ETHE1: variants seen among roughly 807,000 people sequenced by gnomAD.
ETHE1 encodes the protein ETHE1 persulfide dioxygenase, also known as persulfide dioxygenase ETHE1, mitochondrial.
ETHE1 carries 16 observed loss-of-function variants against 25.7 expected under a neutral mutation model. The observed-to-expected ratio is 0.62, with a 90% CI of 0.42 to 0.95. The LOEUF is 0.95. ETHE1 is among the 40% of genes least tolerant of loss of function. The pLI is 0.00. For missense variants in ETHE1, 300 were observed against 333.6 expected, an observed-to-expected ratio of 0.90 and a Z score of 0.79; for synonymous variants, 139 against 135.9, an observed-to-expected ratio of 1.02 and a Z score of -0.16.
chr19:43,507,340 G>A (rs575073690), intron 6 of ETHE1, among the ~76,000 whole-genome samples: 6 of 101,420 alleles, frequency 5.9e-5, no homozygotes, highest in Non-Finnish European at 8.3e-5. Flanking sequence ...TCAGACCCAG[G>A]AGCCCAGGTC....
chr19:43,511,641 C>A, intron 3 of ETHE1, 75 bp from the exon 4 acceptor site: 1 of 1,560,592 alleles, frequency 6.4e-7, no homozygotes, highest in Non-Finnish European at 8.7e-7. Context: ...AAGCCCCACC[C>A]TACCCCAGGG....
intron 3 of ETHE1, among the ~76,000 whole-genome samples, chr19:43,520,496 G>A (rs1471726587): frequency 2.0e-5 from 3 of 151,854 alleles, no homozygotes; most frequent in Non-Finnish European, 4.4e-5. Flanking sequence ...AGCCCAGGAG[G>A]TCGAGGCCAG....
chr19:43,509,001 A>T, intron 4 of ETHE1, 137 bp from the exon 5 acceptor site: 1 of 739,870 alleles, frequency 1.4e-6, no homozygotes, highest in South Asian at 1.5e-5. Context: ...CCCTTTGTCT[A>T]AGTAGAGAAC....
In ETHE1 at chr19:43,526,309, C is replaced by T; in HGVS notation, c.267G>A (p.Gly89=). Residue 89 remains glycine, a synonymous_variant, in exon 3 of 7, where the codon GGG becomes GGA. Coordinates refer to ENST00000292147, the MANE Select transcript of ETHE1 (RefSeq NM_014297.5). ...AGCCAGGGAGGAGGGAACGGAGCAGCCCCGAGCCTGTAATGTGGTCCGCGT... is the reference window on the plus strand; with the variant it reads ...AGCCAGGGAGGAGGGAACGGAGCAGTCCCGAGCCTGTAATGTGGTCCGCGT... ...HCHADHITGS[G]LLRSLLPGCQ... is the part of the protein sequence containing the mutation. 6.2e-7 allele frequency: 1 copy of T among 1,614,128 alleles called. No homozygotes were observed. Among genetic ancestry groups the T allele is most frequent in the Non-Finnish European group, 8.5e-7 (1 of 1,180,016 alleles).
chr19:43,515,731 T>C (rs1038597818), intron 3 of ETHE1, among the ~76,000 whole-genome samples: 2 of 152,042 alleles, frequency 1.3e-5, no homozygotes, highest in African/African-American at 4.8e-5. Context: ...CCCACCACCA[T>C]GCCCAGATAA....
At chr19:43,519,069 GTGCGATCTCGTCTCAC>G (rs1033837349) in intron 3 of ETHE1, among the ~76,000 whole-genome samples, 34 of 140,310 alleles carry the variant, frequency 2.4e-4, no homozygotes, top group African/African-American at 7.1e-4. Context: ...GAGTGCAGTG[GTGCGATCTCGTCTCAC>G]TGCAACCTCT....
At chr19:43,526,071 G>A (rs1056250506) in intron 3 of ETHE1, 130 bp downstream of exon 3, 2 of 1,410,308 alleles carry the variant, frequency 1.4e-6, no homozygotes, top group Non-Finnish European at 9.9e-7. Context: ...TATGAGCTCA[G>A]GGGTCAGAAA....
chr19:43,513,245 CAG>C (rs556759100), intron 3 of ETHE1, among the ~76,000 whole-genome samples: 118 of 152,258 alleles, frequency 7.7e-4, no homozygotes, highest in African/African-American at 2.5e-3. Context: ...GGAGCCCCCA[CAG>C]AGAGTTCCCA....
chr19:43,524,090 C>T (rs1600015119), intron 3 of ETHE1, among the ~76,000 whole-genome samples: 2 of 152,136 alleles, frequency 1.3e-5, no homozygotes, highest in Non-Finnish European at 1.5e-5. Context: ...ACAAAATTAG[C>T]TAGGCATGGT....
intron 5 of ETHE1, among the ~76,000 whole-genome samples, chr19:43,508,349 T>C (rs1971837546): frequency 6.7e-6 from 1 of 148,374 alleles, no homozygotes; most frequent in Non-Finnish European, 1.5e-5. Context: ...TTTATCTCTT[T>C]TTTTTTTTTT....
chr19:43,517,276 G>A (rs1423112307), intron 3 of ETHE1, among the ~76,000 whole-genome samples: 2 of 104,190 alleles, frequency 1.9e-5, no homozygotes, highest in East Asian at 5.7e-4. Flanking sequence ...TTGCCCAACT[G>A]TAGGCTAATG....
chr19:43,518,064 T>A (rs1451181847), intron 3 of ETHE1, among the ~76,000 whole-genome samples: 2 of 143,152 alleles, frequency 1.4e-5, no homozygotes, highest in African/African-American at 5.1e-5. Context: ...CTGTTCTAGA[T>A]CCAAAAAGAT....
intron 6 of ETHE1, 156 bp downstream of exon 6, chr19:43,507,788 C>CTG: frequency 2.3e-6 from 1 of 433,184 alleles, no homozygotes; most frequent in Non-Finnish European, 3.9e-6. Flanking sequence ...AGGCCCCCAG[C>CTG]CTCTCCTCCC....
At chr19:43,525,228 C>CTAA (rs1338348662) in intron 3 of ETHE1, among the ~76,000 whole-genome samples, 1 of 151,826 alleles carries the variant, frequency 6.6e-6, no homozygotes, top group Non-Finnish European at 1.5e-5. Context: ...TTTGTTAGCA[C>CTAA]CTATTATGTA....
At chr19:43,522,319 G>A (rs1972152288) in intron 3 of ETHE1, among the ~76,000 whole-genome samples, 1 of 152,062 alleles carries the variant, frequency 6.6e-6, no homozygotes, top group Non-Finnish European at 1.5e-5. Context: ...CAGCTACTCA[G>A]GAGGCTGCGG....
At chr19:43,516,007 T>C (rs1291557354) in intron 3 of ETHE1, among the ~76,000 whole-genome samples, 1 of 152,122 alleles carries the variant, frequency 6.6e-6, no homozygotes, top group Non-Finnish European at 1.5e-5. Context: ...TGGTGTGAGA[T>C]TTTATCATGC....
At chr19:43,507,800 C>G (rs1971820715) in intron 6 of ETHE1, 144 bp downstream of exon 6, 1 of 489,770 alleles carries the variant, frequency 2.0e-6, no homozygotes, top group Non-Finnish European at 3.4e-6. Flanking sequence ...TCTCCTCCCT[C>G]AGACCCAGGA....
chr19:43,526,448 G>A (rs1205530172), intron 2 of ETHE1, 67 bp downstream of exon 2: 1 of 1,601,616 alleles, frequency 6.2e-7, no homozygotes, highest in Admixed American at 1.7e-5. Context: ...CTGGGCCCCA[G>A]CTTCCCATTC....
chr19:43,526,292 A>G lies in ETHE1; in HGVS notation c.284T>C (p.Leu95Pro), dbSNP rs1340962254. 1.5e-5 allele frequency: 25 copies of G among 1,614,098 alleles called. No individual in the cohort carries two copies. The highest frequency in any genetic ancestry group is 2.1e-5 in the Non-Finnish European group (25 of 1,180,018). The change falls in exon 3 of 7, where the codon CTC becomes CCC. Residue 95 changes from leucine to proline, a missense_variant. Transcript: ENST00000292147. Reference sequence around the variant, plus strand: ...GGAGATGACAGACTGGCAGCCAGGGAGGAGGGAACGGAGCAGCCCCGAGCC... The same window carrying G: ...GGAGATGACAGACTGGCAGCCAGGGGGGAGGGAACGGAGCAGCCCCGAGCC... The part of the protein sequence containing the change: ...ITGSGLLRSL[L>P]PGCQSVISRL...
Sources: allele counts gnomAD v4.1 joint callset (sites outside exome capture counted in the v4.1 genomes callset), GRCh38; gene constraint gnomAD v4.1.1; transcripts MANE v1.5; gene names NCBI Gene and HGNC (gene_info 2026-07-23, HGNC 2026-07-21).